ARHGEF3: variants seen among roughly 807,000 people sequenced by gnomAD.
ARHGEF3 encodes the protein Rho guanine nucleotide exchange factor 3.
A neutral mutation model predicts 63.2 loss-of-function variants in ARHGEF3; 28 were observed. The ratio of observed to expected loss-of-function variants is 0.44; its 90% CI spans 0.33 to 0.61. The LOEUF is 0.61. Among genes scored for constraint, ARHGEF3 ranks in the 20% least tolerant of loss-of-function variants. The probability of loss-of-function intolerance (pLI) is 0.03; values close to 1 mark genes in which losing one functional copy is unlikely to be tolerated. For synonymous variants in ARHGEF3, 266 were observed against 254.2 expected, an observed-to-expected ratio of 1.05 and a Z score of -0.44; for missense variants, 533 against 659.3, an observed-to-expected ratio of 0.81 and a Z score of 2.10.
chr3:56,917,009 G>A (rs953172022), intron 3 of ARHGEF3, among the ~76,000 whole-genome samples: 1 of 152,192 alleles, frequency 6.6e-6, no homozygotes, highest in Admixed American at 6.5e-5. Context: ...TGGATAACAA[G>A]AGGTCTTCCT....
At chr3:56,918,202 C>T (rs2042033741) in intron 3 of ARHGEF3, among the ~76,000 whole-genome samples, 1 of 152,162 alleles carries the variant, frequency 6.6e-6, no homozygotes, top group Non-Finnish European at 1.5e-5. Flanking sequence ...AAAGACAGTG[C>T]CCTGGGAAAT....
At chr3:56,791,965 G>C (rs1559943123) in intron 1 of ARHGEF3, among the ~76,000 whole-genome samples, 1 of 152,046 alleles carries the variant, frequency 6.6e-6, no homozygotes, top group African/African-American at 2.4e-5. Context: ...TGCTGGCTGG[G>C]TGCGGTGGCT....
intron 3 of ARHGEF3, among the ~76,000 whole-genome samples, chr3:56,905,817 G>C (rs143575798): frequency 6.8e-4 from 103 of 152,290 alleles, no homozygotes; most frequent in African/African-American, 2.1e-3. Flanking sequence ...CAAATCTCTA[G>C]AGTTGTGCTG....
chr3:56,918,859 C>CT (rs1273333086), intron 3 of ARHGEF3, among the ~76,000 whole-genome samples: 6 of 152,310 alleles, frequency 3.9e-5, no homozygotes, highest in African/African-American at 1.4e-4. Context: ...CATAGCATCA[C>CT]TGTCACACAT....
intron 1 of ARHGEF3, among the ~76,000 whole-genome samples, chr3:56,786,563 G>A (rs1424001376): frequency 1.3e-5 from 2 of 152,130 alleles, no homozygotes; most frequent in Non-Finnish European, 2.9e-5. Context: ...CAGTAACAAC[G>A]GATTTTTCCA....
intron 1 of ARHGEF3, chr3:56,775,016 T>C: frequency 1.9e-6 from 3 of 1,544,774 alleles, no homozygotes; most frequent in Non-Finnish European, 1.7e-6. Context: ...CCTCCTAAGC[T>C]CCATCTGACC....
intron 3 of ARHGEF3, among the ~76,000 whole-genome samples, chr3:56,901,212 T>A (rs1578798602): frequency 6.6e-6 from 1 of 152,108 alleles, no homozygotes; most frequent in Non-Finnish European, 1.5e-5. Context: ...CACAAATGTG[T>A]ATTAAATACA....
intron 1 of ARHGEF3, among the ~76,000 whole-genome samples, chr3:57,055,441 C>T (rs1342440628): frequency 1.3e-5 from 2 of 152,106 alleles, no homozygotes; most frequent in South Asian, 2.1e-4. Flanking sequence ...GGATTACAGG[C>T]CTGAGTCACC....
intron 1 of ARHGEF3, chr3:57,073,949 T>C (rs1183504866): frequency 1.2e-6 from 2 of 1,614,068 alleles, no homozygotes; most frequent in Non-Finnish European, 8.5e-7. Flanking sequence ...GTCAGAGATA[T>C]TTACAAGCAG....
intron 1 of ARHGEF3, among the ~76,000 whole-genome samples, chr3:57,038,144 A>T (rs758695216): frequency 2.0e-5 from 3 of 152,222 alleles, no homozygotes; most frequent in Admixed American, 1.3e-4. Flanking sequence ...TAAAGCTGAG[A>T]CTGGAACCCC....
At chr3:57,052,562 G>T (rs1704721596) in intron 1 of ARHGEF3, among the ~76,000 whole-genome samples, 1 of 151,940 alleles carries the variant, frequency 6.6e-6, no homozygotes, top group Admixed American at 6.6e-5. Context: ...CTCCCAAAGT[G>T]CTGGGATTAC....
intron 4 of ARHGEF3, among the ~76,000 whole-genome samples, chr3:56,865,000 C>G (rs975821595): frequency 2.0e-5 from 3 of 152,136 alleles, no homozygotes; most frequent in Admixed American, 1.3e-4. Flanking sequence ...ATACTGGGAG[C>G]CCATTAATCA....
intron 1 of ARHGEF3, among the ~76,000 whole-genome samples, chr3:57,052,194 C>T (rs926228923): frequency 3.9e-5 from 6 of 152,202 alleles, no homozygotes; most frequent in African/African-American, 1.2e-4. Flanking sequence ...CGCCAGCCAG[C>T]GTGCCGCTTG....
chr3:56,730,797 TAG>T (rs1247847114), intron 9 of ARHGEF3, among the ~76,000 whole-genome samples: 2 of 152,184 alleles, frequency 1.3e-5, no homozygotes. Context: ...CTGCAGCCAG[TAG>T]ACTGGGAACC....
chr3:56,820,744 G>C (rs2038456362), intron 4 of ARHGEF3, among the ~76,000 whole-genome samples: 1 of 152,198 alleles, frequency 6.6e-6, no homozygotes, highest in Non-Finnish European at 1.5e-5. Context: ...GAATTCTTCA[G>C]TATCACCAAA....
chr3:56,882,318 C>G (rs1578751952), exon 4 of ARHGEF3: 1 of 1,551,846 alleles, frequency 6.4e-7, no homozygotes, highest in African/African-American at 1.4e-5. Flanking sequence ...CAAAGGCTAA[C>G]AGCATCTTCA....
intron 4 of ARHGEF3, among the ~76,000 whole-genome samples, chr3:56,846,751 G>A (rs1364322906): frequency 6.6e-6 from 1 of 152,042 alleles, no homozygotes; most frequent in East Asian, 1.9e-4. Context: ...GACCAAATTT[G>A]TCTCTAGTGA....
At chr3:56,808,593 ATAAT>A (rs1340561021) in intron 4 of ARHGEF3, among the ~76,000 whole-genome samples, 1 of 152,136 alleles carries the variant, frequency 6.6e-6, no homozygotes, top group Non-Finnish European at 1.5e-5. Flanking sequence ...CTGTCTCAAA[ATAAT>A]TAATTAATTA....
intron 3 of ARHGEF3, among the ~76,000 whole-genome samples, chr3:56,897,450 G>A (rs1022097674): frequency 5.9e-5 from 9 of 152,132 alleles, no homozygotes; most frequent in East Asian, 1.9e-4. Context: ...TTTTTGCTAC[G>A]GGGGTGCCAC....
Sources: allele counts gnomAD v4.1 joint callset (sites outside exome capture counted in the v4.1 genomes callset), GRCh38; gene constraint gnomAD v4.1.1; transcripts MANE v1.5; gene names NCBI Gene and HGNC (gene_info 2026-07-23, HGNC 2026-07-21).